Variants in NF1 observed in about 807,000 individuals in gnomAD.
NF1 encodes neurofibromin.
In NF1, 122 loss-of-function variants were observed where a neutral mutation model predicts 325.7. The ratio of observed to expected loss-of-function variants is 0.37; its 90% CI spans 0.32 to 0.44. The LOEUF (loss-of-function observed/expected upper bound fraction) is 0.44. Among genes scored for constraint, NF1 ranks in the 20% least tolerant of loss-of-function variants. NF1 has a pLI of 1.00. For missense variants in NF1, 2,140 were observed against 3,415.4 expected (o/e 0.63, Z 9.31); for synonymous variants, 1,091 against 1,186.0 (o/e 0.92, Z 1.65).
At chr17:31,128,149 A>C (rs1684542178) in intron 1 of NF1, among the ~76,000 whole-genome samples, 1 of 141,476 alleles carries the variant, frequency 7.1e-6, no homozygotes, top group South Asian at 2.2e-4. Context: ...ATGGGGTTTC[A>C]TCCTGTTGGC....
intron 12 of NF1, among the ~76,000 whole-genome samples, chr17:31,214,230 A>T (rs538447756): frequency 2.0e-4 from 29 of 143,840 alleles, no homozygotes; most frequent in African/African-American, 4.8e-4. Flanking sequence ...TTAGATTGAT[A>T]AAAAAAAATA....
rs777080866 is a variant in NF1, at chr17:31,359,027, T to C, written c.8160+12T>C. 1.9e-6 allele frequency: 3 copies of C among 1,612,822 alleles called. No homozygotes were observed. Among genetic ancestry groups the C allele is most frequent in the Admixed American group, 1.7e-5 (1 of 60,008 alleles). ...GACCGTTTTCAAAGGTAAGAAAATA[T>C]ATTTTTCTCTAACTTTTGGCAAAAT... On this transcript the variant is annotated intron_variant, in intron 56 of 57. Transcript: ENST00000358273.
chr17:31,265,743 C>G (rs17880567), intron 36 of NF1, among the ~76,000 whole-genome samples: 1 of 151,938 alleles, frequency 6.6e-6, no homozygotes, highest in African/African-American at 2.4e-5. Flanking sequence ...TAAAAATATG[C>G]TGTGTAAGAC....
chr17:31,280,262 G>T (rs1335892065), intron 36 of NF1, among the ~76,000 whole-genome samples: 1 of 150,046 alleles, frequency 6.7e-6, no homozygotes, highest in Non-Finnish European at 1.5e-5. Context: ...ACCTGTAATT[G>T]CAGCACTTTG....
At chr17:31,357,442 A>C in intron 54 of NF1, 73 bp downstream of exon 54, 1 of 1,214,162 alleles carries the variant, frequency 8.2e-7, no homozygotes, top group Non-Finnish European at 1.2e-6. Context: ...AGTAATGTGC[A>C]CTGGTTGCAA....
At position 31,188,464 on chromosome 17, in the gene NF1, C is replaced by T. The variant is rs147119166; in HGVS notation, c.888+5799C>T. 8.3e-3 allele frequency among the ~76,000 whole-genome samples: 1,267 copies of T among 152,108 alleles called. 25 individuals carry two copies. The highest frequency in any genetic ancestry group is 0.029 in the African/African-American group (1,204 of 41,466). On this transcript the variant is annotated intron_variant, in intron 8 of 57. Transcript: ENST00000358273. ...TGGGATAGGTGTGTTTCTGGTTGTA[C>T]GAAGGATAATTGTATTATGTTAGGC... is the stretch of plus-strand genomic sequence containing the variant.
chr17:31,349,229 A>G lies in NF1; in HGVS notation c.7299A>G (p.Thr2433=), dbSNP rs1056697992. Residue 2433 remains threonine, a synonymous_variant, in exon 49 of 58, where the codon ACA becomes ACG. Transcript: ENST00000358273. ...HRNCDKFEVN[T]QSVAYLAALL... is the part of the protein sequence containing the mutation. Reference sequence around the variant, plus strand: ...ATTGTGACAAATTTGAAGTGAATACACAGAGCGTGGCCTACTTAGCAGGTA... The same window carrying G: ...ATTGTGACAAATTTGAAGTGAATACGCAGAGCGTGGCCTACTTAGCAGGTA... 1.9e-6 allele frequency: 3 copies of G among 1,613,446 alleles called. No homozygotes were observed. Among genetic ancestry groups the G allele is most frequent in the South Asian group, 2.2e-5 (2 of 91,038 alleles).
At chr17:31,126,215 C>T (rs2143426451) in intron 1 of NF1, among the ~76,000 whole-genome samples, 2 of 152,126 alleles carry the variant, frequency 1.3e-5, no homozygotes, top group Admixed American at 1.3e-4. Context: ...AATTATGTAT[C>T]TGGTGGGTAA....
intron 29 of NF1, among the ~76,000 whole-genome samples, chr17:31,240,829 G>T (rs1484961700): frequency 5.9e-5 from 9 of 152,154 alleles, no homozygotes; most frequent in Non-Finnish European, 2.9e-5. Flanking sequence ...CTGATAATCA[G>T]TGATGTTGAG....
intron 36 of NF1, among the ~76,000 whole-genome samples, chr17:31,308,355 G>T (rs144270481): frequency 1.3e-5 from 2 of 151,984 alleles, no homozygotes; most frequent in Non-Finnish European, 2.9e-5. Flanking sequence ...TGTCCAGACC[G>T]GTCTCGAACT....
At chr17:31,174,126 A>G (rs930687412) in intron 5 of NF1, among the ~76,000 whole-genome samples, 4 of 152,374 alleles carry the variant, frequency 2.6e-5, no homozygotes, top group African/African-American at 9.6e-5. Flanking sequence ...ATTGCCAGTA[A>G]AATCGCTTAT....
At chr17:31,224,255 T>C (rs371788839) in intron 16 of NF1, among the ~76,000 whole-genome samples, 13 of 152,298 alleles carry the variant, frequency 8.5e-5, no homozygotes, top group African/African-American at 2.9e-4. Context: ...GAGAAGAGCC[T>C]TAAATTTCTT....
At position 31,226,670 on chromosome 17, in the gene NF1, A is replaced by G. The variant is rs1176567641; in HGVS notation, c.2237A>G (p.Asn746Ser). ...NTFMEFASVS[N>S]MMSTGRAALQ... ...TTCATGGAGTTTGCCTCTGTCAGCA[A>G]TATGATGTCAACAGGTAAATGTGAA... The change falls in exon 18 of 58, where the codon AAT becomes AGT. Residue 746 changes from asparagine to serine, a missense_variant. Asn to Ser is a conservative substitution (Grantham distance 46). This residue lies in a region of NF1 where 380 missense variants were observed against 639.3 expected (regional missense o/e 0.59). Coordinates refer to ENST00000358273, the MANE Select transcript of NF1 (RefSeq NM_001042492.3). 1 of 1,613,848 alleles carries G rather than the reference A, an allele frequency of 6.2e-7. No homozygotes were observed. Among genetic ancestry groups the G allele is most frequent in the Non-Finnish European group, 8.5e-7 (1 of 1,179,752 alleles).
chr17:31,252,826 G>T (rs2067518964), intron 30 of NF1, 112 bp from the exon 31 acceptor site: 4 of 802,224 alleles, frequency 5.0e-6, no homozygotes, highest in Admixed American at 2.5e-5. Flanking sequence ...ATTTTTTGTT[G>T]ATTCCATTTG....
Position 31,336,607 on chromosome 17 carries a change from T to TAAAA in NF1, c.6148-20_6148-17dup, listed in dbSNP as rs33925668. The TAAAA allele has an allele frequency of 7.3e-5, 107 of 1,456,670 alleles. No homozygotes were observed. The highest frequency in any genetic ancestry group is 2.0e-4 in the Middle Eastern group (1 of 4,880). 90.2% of individuals were successfully genotyped at this position (1,456,670 alleles called of 1,614,324 possible). A position where few individuals can be genotyped will look rare whatever the true frequency, so the allele number is the denominator to read the frequency against. On this transcript the variant is annotated intron_variant, in intron 41 of 57. Coordinates refer to ENST00000358273, the MANE Select transcript of NF1 (RefSeq NM_001042492.3). The surrounding 1 kb of genome is among the most constrained non-coding windows in gnomAD (Gnocchi z 5.5). ...ACTTTGAGTCCCATGTTTTTTTTTT[T>TAAAA]AAAAAAAAAAATCCTGCTTCTTTAC...
intron 36 of NF1, among the ~76,000 whole-genome samples, chr17:31,310,277 T>A (rs2068834555): frequency 6.7e-6 from 1 of 150,304 alleles, no homozygotes; most frequent in African/African-American, 2.5e-5. Flanking sequence ...AAACAAAAAC[T>A]CTAGGAAGCA....
intron 36 of NF1, among the ~76,000 whole-genome samples, chr17:31,299,829 C>T (rs1168376078): frequency 6.6e-6 from 1 of 151,914 alleles, no homozygotes; most frequent in African/African-American, 2.4e-5. Flanking sequence ...TGGCTTGTTG[C>T]CAAAACTCAG....
chr17:31,288,098 T>A (rs1486437671), intron 36 of NF1, among the ~76,000 whole-genome samples: 1 of 151,546 alleles, frequency 6.6e-6, no homozygotes, highest in Non-Finnish European at 1.5e-5. Flanking sequence ...AATTAAAAAA[T>A]AATAAAAATA....
chr17:31,285,360 A>G (rs539384715), intron 36 of NF1, among the ~76,000 whole-genome samples: 33 of 152,200 alleles, frequency 2.2e-4, no homozygotes, highest in Admixed American at 1.7e-3. Flanking sequence ...TCATCTCAGA[A>G]GAGTCACCTT....
Sources: allele counts gnomAD v4.1 joint callset (sites outside exome capture counted in the v4.1 genomes callset), GRCh38; gene constraint gnomAD v4.1.1; regional missense constraint gnomAD v4.1.1; non-coding constraint Gnocchi (gnomAD v3.1); transcripts MANE v1.5; gene names NCBI Gene and HGNC (gene_info 2026-07-23, HGNC 2026-07-21).